Variants in IGSF21 observed in about 807,000 individuals in gnomAD.
IGSF21 encodes immunoglobin superfamily member 21.
In IGSF21, 28 loss-of-function variants were observed where a neutral mutation model predicts 46.8. That is an observed-to-expected ratio of 0.60 (90% CI 0.44 to 0.82). The LOEUF (loss-of-function observed/expected upper bound fraction) is 0.82, where lower values mean the gene tolerates loss of function less well. Ranked by LOEUF, IGSF21 falls within the 40% of genes least tolerant of loss-of-function variation. The probability of loss-of-function intolerance (pLI) is 0.00; values close to 1 mark genes in which losing one functional copy is unlikely to be tolerated. For synonymous variants in IGSF21, 284 were observed against 273.6 expected, an observed-to-expected ratio of 1.04 and a Z score of -0.38; for missense variants, 624 against 665.5, an observed-to-expected ratio of 0.94 and a Z score of 0.69.
intron 1 of IGSF21, among the ~76,000 whole-genome samples, chr1:18,134,996 C>T (rs12036744): frequency 0.24 from 36,714 of 152,232 alleles, 4,926 homozygotes; most frequent in East Asian, 0.5. Flanking sequence ...TGAGCTTCCA[C>T]GCACATCAGC....
intron 1 of IGSF21, among the ~76,000 whole-genome samples, chr1:18,153,191 G>A (rs2086536234): frequency 6.6e-6 from 1 of 152,190 alleles, no homozygotes; most frequent in South Asian, 2.1e-4. Flanking sequence ...GCAGTGGGTG[G>A]TAGGGAGGCC....
At chr1:18,291,014 C>A (rs768696444) in intron 2 of IGSF21, among the ~76,000 whole-genome samples, 8 of 152,180 alleles carry the variant, frequency 5.3e-5, no homozygotes, top group Non-Finnish European at 8.8e-5. Context: ...AAACTGCAGC[C>A]GAGTAAACAG....
At chr1:18,317,588 C>A (rs1278814598) in intron 3 of IGSF21, among the ~76,000 whole-genome samples, 1 of 152,152 alleles carries the variant, frequency 6.6e-6, no homozygotes, top group East Asian at 1.9e-4. Flanking sequence ...ATCTATGCAC[C>A]TTCTCTCTGG....
rs781326742 is a variant in IGSF21 at position 18,250,098 on chromosome 1, G to GCTCCCTCCCTCC, written c.183+22112_183+22123dup. 5.9e-3 allele frequency among the ~76,000 whole-genome samples: 351 copies of GCTCCCTCCCTCC among 59,846 alleles called. 2 individuals are homozygous for GCTCCCTCCCTCC. The highest frequency in any genetic ancestry group is 0.015 in the African/African-American group (194 of 12,804). The allele number at this position is 59,846 out of a possible 152,430, so 39.3% of individuals were successfully genotyped here. On this transcript the variant is annotated intron_variant, in intron 2 of 9. Transcript: ENST00000251296. ...CCTTCCATCCCCCACTCCCTCCCTC[G>GCTCCCTCCCTCC]CTCCCTCCCTCCCTCCCTCCCTCCC...
At chr1:18,311,591 G>T (rs766668358) in intron 3 of IGSF21, among the ~76,000 whole-genome samples, 1 of 152,144 alleles carries the variant, frequency 6.6e-6, no homozygotes, top group African/African-American at 2.4e-5. Flanking sequence ...TCCTGTATTA[G>T]TCTGTTCTCA....
chr1:18,351,600 TGCTACTGG>T (rs1378058563), intron 4 of IGSF21, among the ~76,000 whole-genome samples: 1 of 152,170 alleles, frequency 6.6e-6, no homozygotes, highest in African/African-American at 2.4e-5. Flanking sequence ...GCTGGTGCTC[TGCTACTGG>T]CCAGTTCTTG....
intron 6 of IGSF21, among the ~76,000 whole-genome samples, chr1:18,366,095 C>G (rs757450748): frequency 1.5e-4 from 23 of 151,698 alleles, no homozygotes; most frequent in Non-Finnish European, 2.9e-4. Context: ...GGGTCAGGAA[C>G]ATAAGAGGTT....
chr1:18,270,438 C>T (rs1266610264), intron 2 of IGSF21, among the ~76,000 whole-genome samples: 1 of 152,202 alleles, frequency 6.6e-6, no homozygotes, highest in Non-Finnish European at 1.5e-5. Flanking sequence ...GGCATCTGGT[C>T]CTGCTTCATG....
At chr1:18,378,166 C>A in intron 9 of IGSF21, 90 bp from the exon 10 acceptor site, 1 of 1,068,098 alleles carries the variant, frequency 9.4e-7, no homozygotes, top group Non-Finnish European at 1.4e-6. Flanking sequence ...TGCTGAAATC[C>A]AGCGTCTTTG....
intron 4 of IGSF21, among the ~76,000 whole-genome samples, chr1:18,359,387 G>GAAAGAAAGGAAGAAAGAAAGA (rs1557659651): frequency 4.1e-4 from 14 of 33,892 alleles, no homozygotes; most frequent in African/African-American, 1.6e-3. Context: ...AGAAAGAAAG[G>GAAAGAAAGGAAGAAAGAAAGA]AAGGAAGGAA....
At position 18,278,917 on chromosome 1, in the gene IGSF21, T is replaced by C. The variant is rs72932991; in HGVS notation, c.184-12949T>C. 7.2e-3 allele frequency: 3,392 copies of C among 471,498 alleles called. 93 individuals carry two copies. Among genetic ancestry groups the C allele is most frequent in the African/African-American group, 0.061 (3,057 of 50,154 alleles). The allele number at this position is 471,498 out of a possible 1,614,324, so 29.2% of individuals were successfully genotyped here. ...GTATATGGGTGTTTGCCTTAAAGAT[T>C]TTTACACTTTCCTGCATGTTGGGAA... is the stretch of plus-strand genomic sequence containing the variant. On this transcript the variant is annotated intron_variant, in intron 2 of 9. Transcript: ENST00000251296.
intron 1 of IGSF21, among the ~76,000 whole-genome samples, chr1:18,140,734 C>T (rs1228938801): frequency 6.6e-6 from 1 of 152,248 alleles, no homozygotes; most frequent in African/African-American, 2.4e-5. Flanking sequence ...CTGACTACGC[C>T]CTGTGCTTGG....
intron 1 of IGSF21, among the ~76,000 whole-genome samples, chr1:18,224,877 C>T (rs1052570925): frequency 7.9e-5 from 12 of 151,672 alleles, no homozygotes; most frequent in Middle Eastern, 3.4e-3. Flanking sequence ...TCACCCTGGC[C>T]GACATGGTGA....
chr1:18,303,935 G>T lies in IGSF21; in HGVS notation c.305+11948G>T, dbSNP rs74744164. ...TTGGTCATTAGAGAGAACTTGAATT[G>T]TATTCTTAGAGTGATGAGGAGTCAT... On this transcript the variant is annotated intron_variant, in intron 3 of 9. Coordinates refer to ENST00000251296, the MANE Select transcript of IGSF21 (RefSeq NM_032880.5). Among the ~76,000 whole-genome samples the T allele has an allele frequency of 3.2e-3, 490 of 152,306 alleles. 13 individuals carry two copies. The East Asian group carries it at 0.052, about 16-fold the overall frequency.
intron 5 of IGSF21, among the ~76,000 whole-genome samples, chr1:18,364,408 C>A (rs2086137583): frequency 1.4e-5 from 2 of 143,068 alleles, no homozygotes; most frequent in African/African-American, 2.6e-5. Flanking sequence ...ACCTCCTTCA[C>A]CCCCCTGCAG....
intron 1 of IGSF21, among the ~76,000 whole-genome samples, chr1:18,176,652 CT>C (rs1387078662): frequency 1.3e-5 from 2 of 152,230 alleles, no homozygotes; most frequent in Non-Finnish European, 2.9e-5. Context: ...GCCCCTGACC[CT>C]GTGACCTTCT....
intron 1 of IGSF21, among the ~76,000 whole-genome samples, chr1:18,134,736 A>G (rs2086353749): frequency 6.6e-6 from 1 of 152,144 alleles, no homozygotes; most frequent in Non-Finnish European, 1.5e-5. Flanking sequence ...GAAAAACCCC[A>G]GCACCCAAGC....
chr1:18,373,650 G>A (rs899447606), intron 6 of IGSF21, among the ~76,000 whole-genome samples: 3 of 152,100 alleles, frequency 2.0e-5, no homozygotes, highest in Non-Finnish European at 4.4e-5. Flanking sequence ...AGGAGCCGGG[G>A]TGCCCTGGGT....
At chr1:18,241,962 T>A (rs2084732698) in intron 2 of IGSF21, among the ~76,000 whole-genome samples, 1 of 152,152 alleles carries the variant, frequency 6.6e-6, no homozygotes, top group South Asian at 2.1e-4. Flanking sequence ...TGGATCCCCC[T>A]TTGGGAAGCT....
Sources: gnomAD v4.1 joint callset for allele counts (sites outside exome capture counted in the v4.1 genomes callset) on GRCh38, gnomAD v4.1.1 for gene constraint, MANE v1.5 for transcripts, NCBI Gene and HGNC (gene_info 2026-07-23, HGNC 2026-07-21) for gene names.